CDH18: variants seen among roughly 807,000 people sequenced by gnomAD.
CDH18 encodes the protein cadherin 18.
A neutral mutation model predicts 67.9 loss-of-function variants in CDH18; 31 were observed. The observed-to-expected ratio is 0.46, with a 90% CI of 0.34 to 0.62. The LOEUF is 0.62. Ranked by LOEUF, CDH18 falls within the 20% of genes least tolerant of loss-of-function variation. The probability of loss-of-function intolerance (pLI) is 0.01; values close to 1 mark genes in which losing one functional copy is unlikely to be tolerated. For missense variants in CDH18, 890 were observed against 975.5 expected (o/e 0.91, Z 1.17); for synonymous variants, 362 against 347.2 (o/e 1.04, Z -0.48).
intron 6 of CDH18, among the ~76,000 whole-genome samples, chr5:19,599,864 G>A (rs998168850): frequency 1.3e-5 from 2 of 152,140 alleles, no homozygotes; most frequent in Admixed American, 6.5e-5. Context: ...TCCAGCCTGG[G>A]CGACAGAGCG....
intron 12 of CDH18, among the ~76,000 whole-genome samples, chr5:19,480,806 G>A (rs1088252): frequency 0.086 from 13,047 of 151,874 alleles, 631 homozygotes; most frequent in African/African-American, 0.11. Flanking sequence ...GCTGAAGTGC[G>A]GTGGTGTGAT....
At chr5:19,911,787 C>T (rs1791171015) in intron 2 of CDH18, among the ~76,000 whole-genome samples, 1 of 152,136 alleles carries the variant, frequency 6.6e-6, no homozygotes, top group Non-Finnish European at 1.5e-5. Context: ...GTAGTTCACA[C>T]CTACTTAGAC....
At chr5:19,518,178 C>T (rs1214566010) in intron 10 of CDH18, among the ~76,000 whole-genome samples, 2 of 151,898 alleles carry the variant, frequency 1.3e-5, no homozygotes, top group Non-Finnish European at 2.9e-5. Context: ...AAATAATAAT[C>T]TTAATATTTT....
chr5:20,336,496 G>A (rs1339424151), intron 1 of CDH18, among the ~76,000 whole-genome samples: 1 of 152,008 alleles, frequency 6.6e-6, no homozygotes, highest in African/African-American at 2.4e-5. Context: ...GCCAAGGCGG[G>A]CGGATCACGA....
At chr5:20,207,087 GA>G (rs201975874) in intron 2 of CDH18, among the ~76,000 whole-genome samples, 3 of 146,652 alleles carry the variant, frequency 2.0e-5, no homozygotes, top group South Asian at 2.2e-4. Context: ...TGCTAATATA[GA>G]AAAAAAAACA....
intron 1 of CDH18, among the ~76,000 whole-genome samples, chr5:20,307,548 G>T (rs1399866795): frequency 1.3e-5 from 2 of 152,136 alleles, no homozygotes; most frequent in Non-Finnish European, 2.9e-5. Flanking sequence ...ATGTTAAAAA[G>T]AAGAAGCAGT....
intron 2 of CDH18, among the ~76,000 whole-genome samples, chr5:20,214,253 A>C (rs1230127265): frequency 6.6e-6 from 1 of 152,122 alleles, no homozygotes; most frequent in Admixed American, 6.6e-5. Context: ...TATTATTTAA[A>C]TGGCCATACT....
intron 2 of CDH18, among the ~76,000 whole-genome samples, chr5:20,133,116 C>G (rs1378923455): frequency 6.6e-6 from 1 of 152,146 alleles, no homozygotes; most frequent in East Asian, 1.9e-4. Flanking sequence ...GGCAGGCTTT[C>G]TGGCATTGAA....
chr5:19,626,681 GA>G (rs1751603662), intron 5 of CDH18, among the ~76,000 whole-genome samples: 1 of 150,612 alleles, frequency 6.6e-6, no homozygotes, highest in South Asian at 2.1e-4. Flanking sequence ...GACATTCTAG[GA>G]AAGGCAGATT....
intron 2 of CDH18, among the ~76,000 whole-genome samples, chr5:20,170,328 C>T (rs1285858576): frequency 2.0e-5 from 3 of 152,068 alleles, no homozygotes; most frequent in African/African-American, 7.2e-5. Context: ...GCTTCCAGCT[C>T]CATCTATGTC....
At chr5:20,479,146 T>C (rs1039216027) in intron 1 of CDH18, among the ~76,000 whole-genome samples, 4 of 152,086 alleles carry the variant, frequency 2.6e-5, no homozygotes, top group East Asian at 1.9e-4. Context: ...CTAAGAAAGA[T>C]AGATACAAGC....
intron 2 of CDH18, among the ~76,000 whole-genome samples, chr5:20,034,634 T>C (rs1739683703): frequency 6.6e-6 from 1 of 152,032 alleles, no homozygotes; most frequent in Non-Finnish European, 1.5e-5. Flanking sequence ...ACATCAGCCT[T>C]CTACCTTTAA....
At chr5:20,298,916 G>A (rs781482877) in intron 1 of CDH18, among the ~76,000 whole-genome samples, 1 of 152,066 alleles carries the variant, frequency 6.6e-6, no homozygotes, top group Non-Finnish European at 1.5e-5. Flanking sequence ...AGAACAATGC[G>A]CACAAAGACA....
chr5:19,755,523 G>T (rs1007897744), intron 3 of CDH18, among the ~76,000 whole-genome samples: 3 of 91,052 alleles, frequency 3.3e-5, no homozygotes, highest in African/African-American at 9.1e-5. Context: ...ATATATATAT[G>T]CCCTGTTAGT....
At chr5:19,632,467 CTTAA>C (rs1263895185) in intron 5 of CDH18, among the ~76,000 whole-genome samples, 3 of 152,116 alleles carry the variant, frequency 2.0e-5, no homozygotes, top group African/African-American at 7.2e-5. Context: ...GTTATTTTGC[CTTAA>C]TTCTTTCCGG....
chr5:19,719,921 GAAAGAAA>G (rs1765827848), intron 5 of CDH18, among the ~76,000 whole-genome samples: 2 of 145,322 alleles, frequency 1.4e-5, no homozygotes. Context: ...AAGAAAGAAA[GAAAGAAA>G]GAAAGAAAGA....
intron 2 of CDH18, among the ~76,000 whole-genome samples, chr5:19,999,870 T>C (rs1736305819): frequency 1.3e-5 from 2 of 152,188 alleles, no homozygotes. Context: ...TCGTCACTTC[T>C]ACCAATCCAA....
chr5:19,994,762 G>T (rs1398743281), intron 2 of CDH18, among the ~76,000 whole-genome samples: 153 of 94,038 alleles, frequency 1.6e-3, no homozygotes, highest in Middle Eastern at 6.3e-3. Context: ...GAGAGAGAGA[G>T]AGAGAGAGAG....
In CDH18 at chr5:20,366,430, T is replaced by C. The variant is rs551147182; in HGVS notation, c.-579-110925A>G. Among the ~76,000 whole-genome samples, 45 of 152,326 alleles carry C rather than the reference T, an allele frequency of 3.0e-4. No individual in the cohort carries two copies. The East Asian group carries it at 5.6e-3, about 19-fold the overall frequency. ...ATTCACATTAACTATTGCGATAACT[T>C]TTTAACCAATTTCTCCATAGTCACT... On this transcript the variant is annotated intron_variant, in intron 1 of 14. Coordinates refer to the CDH18 transcript ENST00000507958.
Sources: gnomAD v4.1 joint callset for allele counts (sites outside exome capture counted in the v4.1 genomes callset) on GRCh38, gnomAD v4.1.1 for gene constraint, MANE v1.5 for transcripts, NCBI Gene and HGNC (gene_info 2026-07-23, HGNC 2026-07-21) for gene names.